The following AMPH variants were observed in gnomAD, a reference collection of about 807,000 sequenced individuals.
AMPH encodes amphiphysin.
AMPH carries 49 observed loss-of-function variants against 99.1 expected under a neutral mutation model. The ratio of observed to expected loss-of-function variants is 0.49; its 90% CI spans 0.39 to 0.63. AMPH has a LOEUF of 0.63. Ranked by LOEUF, AMPH falls within the 20% of genes least tolerant of loss-of-function variation. The probability of loss-of-function intolerance (pLI) is 0.00; values close to 1 mark genes in which losing one functional copy is unlikely to be tolerated. For synonymous variants in AMPH, 314 were observed against 317.3 expected (o/e 0.99, Z 0.11); for missense variants, 759 against 863.4 (o/e 0.88, Z 1.52).
intron 2 of AMPH, among the ~76,000 whole-genome samples, chr7:38,528,877 C>G (rs1562809076): frequency 6.6e-6 from 1 of 152,062 alleles, no homozygotes; most frequent in Admixed American, 6.6e-5. Context: ...TCCCTTCCAG[C>G]ATTGCCTCGG....
At chr7:38,611,684 C>T (rs970438175) in intron 1 of AMPH, among the ~76,000 whole-genome samples, 2 of 152,194 alleles carry the variant, frequency 1.3e-5, no homozygotes, top group Non-Finnish European at 2.9e-5. Context: ...CTGTTATTTG[C>T]AGCAGCCCAG....
At chr7:38,506,912 C>T (rs183710289) in intron 2 of AMPH, among the ~76,000 whole-genome samples, 3 of 152,236 alleles carry the variant, frequency 2.0e-5, no homozygotes, top group East Asian at 1.9e-4. Flanking sequence ...TGAGGGACAC[C>T]GAGTTAAGCA....
intron 16 of AMPH, among the ~76,000 whole-genome samples, chr7:38,419,421 A>G (rs1294031021): frequency 6.6e-6 from 1 of 152,206 alleles, no homozygotes; most frequent in African/African-American, 2.4e-5. Flanking sequence ...AGGGACTGGT[A>G]GACAAGTGTG....
intron 3 of AMPH, among the ~76,000 whole-genome samples, chr7:38,495,231 A>G (rs929057990): frequency 6.6e-5 from 10 of 152,220 alleles, no homozygotes; most frequent in South Asian, 2.1e-4. Context: ...TTACCAGGAC[A>G]TATTTTTCGT....
chr7:38,401,275 A>G (rs1784832910), intron 17 of AMPH, among the ~76,000 whole-genome samples: 1 of 152,242 alleles, frequency 6.6e-6, no homozygotes, highest in Non-Finnish European at 1.5e-5. Flanking sequence ...TCCATTAAAC[A>G]TGTTTTGGGG....
At chr7:38,579,088 G>T (rs569587539) in intron 1 of AMPH, among the ~76,000 whole-genome samples, 41 of 152,274 alleles carry the variant, frequency 2.7e-4, no homozygotes, top group African/African-American at 9.4e-4. Flanking sequence ...GTCTTGGGCT[G>T]CCCCAGGAGT....
intron 1 of AMPH, among the ~76,000 whole-genome samples, chr7:38,614,965 G>A (rs539064003): frequency 5.3e-5 from 8 of 152,240 alleles, no homozygotes; most frequent in East Asian, 3.9e-4. Flanking sequence ...ATAATGACAC[G>A]TAAAGCAATG....
chr7:38,403,749 A>AC (rs1427380514), intron 17 of AMPH, among the ~76,000 whole-genome samples: 1 of 152,210 alleles, frequency 6.6e-6, no homozygotes, highest in Non-Finnish European at 1.5e-5. Context: ...AAGGGGTAGC[A>AC]CCAGTGGCTG....
At chr7:38,394,646 C>T (rs776766611) in intron 17 of AMPH, among the ~76,000 whole-genome samples, 1 of 152,146 alleles carries the variant, frequency 6.6e-6, no homozygotes, top group Non-Finnish European at 1.5e-5. Context: ...AGCTTGGGAA[C>T]GGAGTCACAC....
chr7:38,482,831 G>A (rs1788340156), intron 5 of AMPH, among the ~76,000 whole-genome samples: 1 of 152,096 alleles, frequency 6.6e-6, no homozygotes, highest in South Asian at 2.1e-4. Context: ...CTTTTAAGGA[G>A]ATTAAATTAC....
intron 1 of AMPH, among the ~76,000 whole-genome samples, chr7:38,546,634 T>C (rs1791005220): frequency 6.6e-6 from 1 of 152,232 alleles, no homozygotes; most frequent in Non-Finnish European, 1.5e-5. Flanking sequence ...TCTTGTTTGC[T>C]ATTTGGGTAT....
At chr7:38,611,926 C>G (rs1253118272) in intron 1 of AMPH, among the ~76,000 whole-genome samples, 1 of 152,060 alleles carries the variant, frequency 6.6e-6, no homozygotes, top group Non-Finnish European at 1.5e-5. Flanking sequence ...AGAGATGAAC[C>G]TTTGGGTGTT....
chr7:38,520,117 T>C (rs977898202), intron 2 of AMPH, among the ~76,000 whole-genome samples: 32 of 152,224 alleles, frequency 2.1e-4, no homozygotes, highest in African/African-American at 7.2e-4. Context: ...TGTATATGCA[T>C]ATAATCTTAG....
chr7:38,459,668 T>C (rs1171941541), intron 11 of AMPH, among the ~76,000 whole-genome samples: 1 of 151,988 alleles, frequency 6.6e-6, no homozygotes. Flanking sequence ...TGGATCCCTG[T>C]CTCTCCTGAT....
At chr7:38,409,669 C>T (rs1324343469) in intron 17 of AMPH, among the ~76,000 whole-genome samples, 3 of 152,164 alleles carry the variant, frequency 2.0e-5, no homozygotes, top group Non-Finnish European at 2.9e-5. Context: ...CCTGGTATTG[C>T]CTGCAGTCCT....
At chr7:38,589,274 A>T (rs1456282165) in intron 1 of AMPH, among the ~76,000 whole-genome samples, 1 of 152,150 alleles carries the variant, frequency 6.6e-6, no homozygotes, top group East Asian at 1.9e-4. Context: ...TCAACACTCA[A>T]CTCTTGGTGA....
intron 1 of AMPH, among the ~76,000 whole-genome samples, chr7:38,545,594 C>T (rs1790966425): frequency 6.6e-6 from 1 of 152,158 alleles, no homozygotes; most frequent in Non-Finnish European, 1.5e-5. Flanking sequence ...TAAATGATGC[C>T]TTTTGGTAAT....
chr7:38,537,898 G>C (rs1262421621), intron 1 of AMPH, among the ~76,000 whole-genome samples: 1 of 152,156 alleles, frequency 6.6e-6, no homozygotes, highest in African/African-American at 2.4e-5. Context: ...AAGAACACTT[G>C]ATATGATTTG....
Position 38,466,265 on chromosome 7 carries a change from C to T in AMPH, c.591-17G>A. The T allele has an allele frequency of 6.4e-7, 1 of 1,574,300 alleles. No homozygotes were observed. Among genetic ancestry groups the T allele is most frequent in the Non-Finnish European group, 8.6e-7 (1 of 1,163,780 alleles). Reference sequence around the variant, plus strand: ...CCAACTCGTCTGCCATGTGGAAACACAAAGAGGAAAGAAGAGAGAGGGAAA... The same window carrying T: ...CCAACTCGTCTGCCATGTGGAAACATAAAGAGGAAAGAAGAGAGAGGGAAA... On this transcript the variant is annotated splice_polypyrimidine_tract_variant and intron_variant, in intron 7 of 20. Transcript: ENST00000356264.
Sources: gnomAD v4.1 joint callset for allele counts (sites outside exome capture counted in the v4.1 genomes callset) on GRCh38, gnomAD v4.1.1 for gene constraint, MANE v1.5 for transcripts, NCBI Gene and HGNC (gene_info 2026-07-23, HGNC 2026-07-21) for gene names.